Variants in NUP43 observed in about 807,000 individuals in gnomAD.
NUP43 encodes the protein nucleoporin Nup43.
In NUP43, 32 loss-of-function variants were observed where a neutral mutation model predicts 47.3. The observed-to-expected ratio is 0.68, with a 90% confidence interval of 0.51 to 0.91. The LOEUF (loss-of-function observed/expected upper bound fraction) is 0.91. Ranked by LOEUF, NUP43 falls within the 40% of genes least tolerant of loss-of-function variation. The pLI is 0.00. For missense variants in NUP43, 444 were observed against 453.9 expected, an observed-to-expected ratio of 0.98 and a Z score of 0.20; for synonymous variants, 147 against 158.4, an observed-to-expected ratio of 0.93 and a Z score of 0.54.
intron 2 of NUP43, 28 bp downstream of exon 2, chr6:149,745,912 T>C (rs1344518281): frequency 1.3e-6 from 2 of 1,585,002 alleles, no homozygotes; most frequent in African/African-American, 1.4e-5. Context: ...ACTTTCAAAG[T>C]TAGCTTTTGG....
At position 149,725,633 on chromosome 6, in the gene NUP43, C is replaced by T. The variant is rs1204218238; in HGVS notation, c.*1336G>A. ...TTAGGACAGAAAAGCAAAACCTTAC[C>T]ATAATTCCATAACTATGATTATTGG... On this transcript the variant is annotated 3_prime_UTR_variant, in exon 8 of 8. Coordinates refer to ENST00000340413, the MANE Select transcript of NUP43 (RefSeq NM_198887.3). 6.6e-6 allele frequency: 1 copy of T among 152,022 alleles called. No individual in the cohort carries two copies. Among genetic ancestry groups the T allele is most frequent in the Non-Finnish European group, 1.5e-5 (1 of 68,008 alleles). The allele number at this position is 152,022 out of a possible 1,614,324, so 9.4% of individuals were successfully genotyped here.
upstream of NUP43, chr6:149,746,663 T>C: frequency 3.2e-6 from 5 of 1,558,582 alleles, no homozygotes; most frequent in East Asian, 1.2e-4. Context: ...GTACCTAGAC[T>C]GAGAGGCCCA....
chr6:149,739,231 G>A (rs1210761807), intron 4 of NUP43, among the ~76,000 whole-genome samples: 1 of 151,992 alleles, frequency 6.6e-6, no homozygotes, highest in African/African-American at 2.4e-5. Context: ...ACCAGCCTCG[G>A]CCTCCCAAAA....
chr6:149,726,842 A>T lies in NUP43; in HGVS notation c.*127T>A. On this transcript the variant is annotated 3_prime_UTR_variant, in exon 8 of 8. Coordinates refer to ENST00000340413, the MANE Select transcript of NUP43 (RefSeq NM_198887.3). ...ACAAAAGTCAAAACTGGGCATTGAC[A>T]TTAATGGTAGTTTACTGATGTTTCC... 2.8e-6 allele frequency: 2 copies of T among 703,286 alleles called. No homozygotes were observed. Among genetic ancestry groups the T allele is most frequent in the Non-Finnish European group, 4.9e-6 (2 of 409,144 alleles). The allele number at this position is 703,286 out of a possible 1,614,324, so 43.6% of individuals were successfully genotyped here.
intron 4 of NUP43, among the ~76,000 whole-genome samples, chr6:149,739,791 CAG>C (rs1002907459): frequency 3.1e-4 from 47 of 152,274 alleles, no homozygotes; most frequent in African/African-American, 1.1e-3. Context: ...TATTATTCTG[CAG>C]ACTCATCCCA....
chr6:149,731,639 G>C lies in NUP43; in HGVS notation c.887C>G (p.Pro296Arg). 1.2e-6 allele frequency: 2 copies of C among 1,613,626 alleles called. No homozygotes were observed. ...TTGGTGAAAGAGTGACGACTTTTCA[G>C]GTACATCTGTGGAAGCATCCCAGTG... ...LWHWDASTDVPEKSSLFHQGG... is the reference protein window; with the variant it reads ...LWHWDASTDVREKSSLFHQGG... Residue 296 changes from proline (P) to arginine (R), a missense_variant, in exon 7 of 8, where the codon CCT becomes CGT. Physicochemically the swap from Pro to Arg is moderately radical, Grantham distance 103. Transcript: ENST00000340413.
At chr6:149,746,647 C>G, upstream of NUP43, 2 of 1,573,968 alleles carry the variant, frequency 1.3e-6, no homozygotes, top group Non-Finnish European at 1.7e-6. Flanking sequence ...AGTGTGGGCA[C>G]AGTCAGTACC....
Position 149,729,282 on chromosome 6 carries a change from G to A in NUP43, c.914-2084C>T, listed in dbSNP as rs184306504. ...GCTGGGATTACAGGTGTGAGCCACC[G>A]CGCCCGGCCTCCTTTTCCACTTTGC... is the stretch of plus-strand genomic sequence containing the variant. On this transcript the variant is annotated intron_variant, in intron 7 of 7. Coordinates refer to ENST00000340413, the MANE Select transcript of NUP43 (RefSeq NM_198887.3). Among the ~76,000 whole-genome samples the A allele has an allele frequency of 1.5e-3, 232 of 152,152 alleles. 2 individuals are homozygous for A. Among genetic ancestry groups the A allele is most frequent in the African/African-American group, 5.3e-3 (218 of 41,514 alleles).
At chr6:149,739,028 T>C (rs922705439) in intron 4 of NUP43, among the ~76,000 whole-genome samples, 4 of 151,930 alleles carry the variant, frequency 2.6e-5, no homozygotes, top group Non-Finnish European at 4.4e-5. Flanking sequence ...TTGCCCAGGC[T>C]GGACTGCAAT....
At chr6:149,744,884 AT>A (rs1185292297) in intron 2 of NUP43, among the ~76,000 whole-genome samples, 12 of 148,602 alleles carry the variant, frequency 8.1e-5, no homozygotes, top group African/African-American at 2.3e-4. Context: ...TTTCTTTTTT[AT>A]TTTATTTATT....
chr6:149,746,823 C>T, upstream of NUP43: 1 of 682,930 alleles, frequency 1.5e-6, no homozygotes, highest in Non-Finnish European at 2.1e-6. Flanking sequence ...AAAAACAATG[C>T]AGTAGAAACC....
At chr6:149,736,996 T>A (rs1363130589) in intron 5 of NUP43, among the ~76,000 whole-genome samples, 2 of 152,084 alleles carry the variant, frequency 1.3e-5, no homozygotes, top group Admixed American at 6.6e-5. Context: ...TTTTTTTTGT[T>A]TATTTTTTAA....
rs1785378477 is a variant in NUP43, at chr6:149,736,696, T to G, written c.639-74A>C. On this transcript the variant is annotated intron_variant, in intron 5 of 7. Coordinates refer to ENST00000340413, the MANE Select transcript of NUP43 (RefSeq NM_198887.3). ...ATCTTTGTGTAACACAGGAAACACG[T>G]TTTTTGTTTGTTTTGAGACAAGGCC... 3 of 1,382,058 alleles carry G rather than the reference T, an allele frequency of 2.2e-6. No homozygotes were observed. In the Admixed American group the frequency reaches 5.6e-5, roughly 26 times the overall value. The allele number at this position is 1,382,058 out of a possible 1,614,324, so 85.6% of individuals were successfully genotyped here. A position where few individuals can be genotyped will look rare whatever the true frequency, so the allele number is the denominator to read the frequency against.
At chr6:149,731,216 G>C (rs543808822) in intron 7 of NUP43, among the ~76,000 whole-genome samples, 26 of 152,078 alleles carry the variant, frequency 1.7e-4, no homozygotes, top group Non-Finnish European at 3.4e-4. Flanking sequence ...GTTGCAGTGA[G>C]CTGAGACTGC....
intron 6 of NUP43, among the ~76,000 whole-genome samples, chr6:149,732,989 C>T (rs1785139900): frequency 6.6e-6 from 1 of 152,002 alleles, no homozygotes; most frequent in African/African-American, 2.4e-5. Context: ...TGGCGTCAAG[C>T]AATCCTCCTG....
chr6:149,731,846 A>G, intron 6 of NUP43, 111 bp from the exon 7 acceptor site: 1 of 1,132,226 alleles, frequency 8.8e-7, no homozygotes, highest in Non-Finnish European at 1.3e-6. Flanking sequence ...CATACCTTCG[A>G]GCCTCAAGTC....
intron 4 of NUP43, 41 bp from the exon 5 acceptor site, chr6:149,738,819 C>T (rs1785495863): frequency 1.5e-6 from 2 of 1,290,584 alleles, no homozygotes; most frequent in Non-Finnish European, 2.0e-6. Context: ...AATGAGTCCC[C>T]TTTTTTTCCC....
In NUP43 at chr6:149,746,019, A is replaced by G; in HGVS notation, c.164T>C (p.Leu55Ser). The change falls in exon 2 of 8, where the codon TTG becomes TCG. Residue 55 changes from leucine to serine, a missense_variant. Leu to Ser is a moderately radical substitution (Grantham distance 145). Transcript: ENST00000340413. The part of the protein sequence containing the change: ...SLWSIGDFGN[L>S]DSDGGFEGDH... Reference sequence around the variant, plus strand: ...TCCTTCAAACCCTCCATCAGAGTCCAAGTTTCCAAAATCTCCAATAGACCA... The same window carrying G: ...TCCTTCAAACCCTCCATCAGAGTCCGAGTTTCCAAAATCTCCAATAGACCA... 6.2e-7 allele frequency: 1 copy of G among 1,613,892 alleles called. No homozygotes were observed. Among genetic ancestry groups the G allele is most frequent in the Non-Finnish European group, 8.5e-7 (1 of 1,179,842 alleles).
intron 4 of NUP43, among the ~76,000 whole-genome samples, chr6:149,740,636 A>C (rs568669745): frequency 5.6e-4 from 85 of 152,262 alleles, no homozygotes; most frequent in Non-Finnish European, 9.9e-4. Context: ...TAAACAAACA[A>C]ACAAACAAAA....
Sources: allele counts gnomAD v4.1 joint callset (sites outside exome capture counted in the v4.1 genomes callset), GRCh38; gene constraint gnomAD v4.1.1; transcripts MANE v1.5; gene names NCBI Gene and HGNC (gene_info 2026-07-23, HGNC 2026-07-21).